ASH1L: variants seen among roughly 807,000 people sequenced by gnomAD.
ASH1L encodes the protein histone-lysine N-methyltransferase ASH1L.
In ASH1L, 23 loss-of-function variants were observed where a neutral mutation model predicts 269.0. The observed-to-expected ratio is 0.09, with a 90% CI of 0.06 to 0.12. The LOEUF (loss-of-function observed/expected upper bound fraction) is 0.12. Ranked by LOEUF, ASH1L falls within the 10% of genes least tolerant of loss-of-function variation. ASH1L has a pLI of 1.00. For synonymous variants in ASH1L, 1,187 were observed against 1,253.5 expected (o/e 0.95, Z 1.12); for missense variants, 2,912 against 3,567.8 (o/e 0.82, Z 4.68).
chr1:155,402,472 C>T (rs1310108744), intron 6 of ASH1L, among the ~76,000 whole-genome samples: 1 of 152,060 alleles, frequency 6.6e-6, no homozygotes, highest in Non-Finnish European at 1.5e-5. Flanking sequence ...AAAAAATGGA[C>T]ATGTTATTCT....
rs1421490688 is a variant in ASH1L at position 155,481,681 on chromosome 1, T to C, written c.1189A>G (p.Met397Val). The change falls in exon 3 of 28, where the codon ATG becomes GTG. Residue 397 changes from methionine (M) to valine (V), a missense_variant. Coordinates refer to ENST00000392403, the MANE Select transcript of ASH1L (RefSeq NM_018489.3). ...CCAATGTCCTTATTAACCAATCCCA[T>C]TGCTGAACTTGCTACAATCTTCTTT... The part of the protein sequence containing the change: ...CAKKIVASSA[M>V]GLVNKDIGKK... The C allele has an allele frequency of 2.5e-6, 4 of 1,614,150 alleles. No homozygotes were observed. The highest frequency in any genetic ancestry group is 1.6e-4 in the Middle Eastern group (1 of 6,062).
chr1:155,439,412 T>TA (rs1018567900), intron 4 of ASH1L, among the ~76,000 whole-genome samples: 9 of 152,114 alleles, frequency 5.9e-5, no homozygotes, highest in Non-Finnish European at 1.2e-4. Context: ...AAATGTTGGA[T>TA]AAAGAGTGGG....
At chr1:155,474,356 G>A (rs570511049) in intron 3 of ASH1L, among the ~76,000 whole-genome samples, 5 of 152,136 alleles carry the variant, frequency 3.3e-5, no homozygotes, top group South Asian at 2.1e-4. Flanking sequence ...GATACCCAAC[G>A]ACCTTCTCAA....
intron 7 of ASH1L, among the ~76,000 whole-genome samples, chr1:155,384,819 G>T (rs897130983): frequency 6.6e-6 from 1 of 152,064 alleles, no homozygotes; most frequent in African/African-American, 2.4e-5. Flanking sequence ...GCCAAATTTG[G>T]TAAGTTTCCA....
At chr1:155,346,222 A>G in intron 21 of ASH1L, 161 bp downstream of exon 21, 1 of 1,544,408 alleles carries the variant, frequency 6.5e-7, no homozygotes, top group South Asian at 1.2e-5. Context: ...AATAGGGAAG[A>G]ACAGAATTAT....
intron 6 of ASH1L, among the ~76,000 whole-genome samples, chr1:155,407,147 C>T (rs369773101): frequency 2.0e-5 from 3 of 151,962 alleles, no homozygotes; most frequent in East Asian, 1.9e-4. Context: ...TGCTTGAACC[C>T]GGGAGGCAGA....
intron 2 of ASH1L, among the ~76,000 whole-genome samples, chr1:155,495,696 G>A (rs1018874238): frequency 2.0e-5 from 3 of 151,990 alleles, no homozygotes; most frequent in Non-Finnish European, 2.9e-5. Context: ...ATTTCCCTTC[G>A]TCAATAATAA....
At chr1:155,555,219 C>T (rs1220169129) in intron 1 of ASH1L, among the ~76,000 whole-genome samples, 2 of 150,214 alleles carry the variant, frequency 1.3e-5, no homozygotes, top group Non-Finnish European at 3.0e-5. Flanking sequence ...ACACACAGGC[C>T]AGTGCAGTGG....
At chr1:155,437,116 A>G (rs1486740202) in intron 5 of ASH1L, among the ~76,000 whole-genome samples, 1 of 152,216 alleles carries the variant, frequency 6.6e-6, no homozygotes. Context: ...TGGACTTCAT[A>G]GATATCAGAA....
intron 2 of ASH1L, among the ~76,000 whole-genome samples, chr1:155,491,738 C>T (rs746087454): frequency 1.3e-5 from 2 of 151,848 alleles, no homozygotes; most frequent in African/African-American, 2.4e-5. Flanking sequence ...GGCTCAACCT[C>T]GGCTCACTGC....
chr1:155,562,057 C>T, intron 1 of ASH1L, 96 bp downstream of exon 1: 2 of 848,042 alleles, frequency 2.4e-6, no homozygotes, highest in South Asian at 1.7e-5. Flanking sequence ...CTCAGAGATC[C>T]AGGTCCGGGA....
intron 6 of ASH1L, among the ~76,000 whole-genome samples, chr1:155,412,188 G>A (rs1659864574): frequency 6.6e-6 from 1 of 151,124 alleles, no homozygotes; most frequent in African/African-American, 2.4e-5. Context: ...GTTGCAGTGA[G>A]CCAAGATCTT....
At chr1:155,536,480 C>T (rs984668620) in intron 1 of ASH1L, among the ~76,000 whole-genome samples, 2 of 152,180 alleles carry the variant, frequency 1.3e-5, no homozygotes, top group African/African-American at 4.8e-5. Context: ...TATCTCAAAT[C>T]CTACACACGC....
At chr1:155,389,459 G>C (rs993037440) in intron 7 of ASH1L, among the ~76,000 whole-genome samples, 1 of 152,072 alleles carries the variant, frequency 6.6e-6, no homozygotes, top group Non-Finnish European at 1.5e-5. Flanking sequence ...GATCACTTAA[G>C]GTTAGGAGTC....
chr1:155,414,686 C>A (rs1412208670), intron 6 of ASH1L, among the ~76,000 whole-genome samples: 1 of 152,178 alleles, frequency 6.6e-6, no homozygotes, highest in African/African-American at 2.4e-5. Flanking sequence ...TGCTTATTTA[C>A]CACAGGGCCA....
intron 5 of ASH1L, chr1:155,433,171 T>C (rs1661737652): frequency 1.3e-6 from 2 of 1,521,242 alleles, no homozygotes; most frequent in Admixed American, 4.3e-5. Flanking sequence ...TGGGGCGCCT[T>C]CCTTCCCCAT....
Position 155,347,733 on chromosome 1 carries a change from T to C in ASH1L, c.7726A>G (p.Lys2576Glu), listed in dbSNP as rs1653485598. ...ATACAGCGAATAACATCGTCGTCCTTCTCATGCCCATTCTCCTTTTCAGAG... is the reference window on the plus strand; with the variant it reads ...ATACAGCGAATAACATCGTCGTCCTCCTCATGCCCATTCTCCTTTTCAGAG... Reference protein sequence around the residue: ...SVSEKENGHEKDDDVIRCICG... With the variant: ...SVSEKENGHEEDDDVIRCICG... The change falls in exon 20 of 28, where the codon AAG becomes GAG. Residue 2576 changes from lysine to glutamate, a missense_variant. Lys to Glu is a moderately conservative substitution (Grantham distance 56, BLOSUM62 1). Transcript: ENST00000392403. The C allele has an allele frequency of 1.2e-6, 2 of 1,614,092 alleles. No homozygotes were observed. Among genetic ancestry groups the C allele is most frequent in the South Asian group, 2.2e-5 (2 of 91,088 alleles).
chr1:155,448,246 T>C (rs994342349), intron 4 of ASH1L, among the ~76,000 whole-genome samples: 2 of 152,260 alleles, frequency 1.3e-5, no homozygotes, highest in Non-Finnish European at 2.9e-5. Flanking sequence ...TTGGTTATCA[T>C]AGCTCTGTAG....
At position 155,478,307 on chromosome 1, in the gene ASH1L, C is replaced by A. The variant is rs1665715052; in HGVS notation, c.4563G>T (p.Lys1521Asn). 6.2e-7 allele frequency: 1 copy of A among 1,614,048 alleles called. No homozygotes were observed. Among genetic ancestry groups the A allele is most frequent in the Non-Finnish European group, 8.5e-7 (1 of 1,180,042 alleles). Residue 1521 changes from lysine (K) to asparagine (N), a missense_variant, in exon 3 of 28, where the codon AAG becomes AAT. This residue lies in a region of ASH1L where 789 missense variants were observed against 897.6 expected (regional missense o/e 0.88). Transcript: ENST00000392403. This position sits in a 1 kb window ranked among gnomAD's most constrained non-coding sequence, Gnocchi z 4.6. ...LESLKRYRFG[K>N]DAVGERYKHK... ...GCTTATATCGCTCTCCAACAGCATC[C>A]TTTCCAAATCTATAGCGCTTCAAAG...
Sources: gnomAD v4.1 joint callset for allele counts (sites outside exome capture counted in the v4.1 genomes callset) on GRCh38, gnomAD v4.1.1 for gene constraint, gnomAD v4.1.1 regional missense constraint, Gnocchi (gnomAD v3.1) non-coding constraint, MANE v1.5 for transcripts, NCBI Gene and HGNC (gene_info 2026-07-23, HGNC 2026-07-21) for gene names.